The following SORCS1 variants were observed in gnomAD, a reference collection of about 807,000 sequenced individuals.
The protein encoded by SORCS1 is VPS10 domain-containing receptor SorCS1.
In SORCS1, 60 loss-of-function variants were observed where a neutral mutation model predicts 146.1. The observed-to-expected ratio is 0.41, with a 90% CI of 0.33 to 0.51. SORCS1 has a LOEUF of 0.51. SORCS1 is among the 20% of genes least tolerant of loss of function. SORCS1 has a pLI of 0.21. For synonymous variants in SORCS1, 637 were observed against 584.0 expected (o/e 1.09, Z -1.31); for missense variants, 1,352 against 1,487.6 (o/e 0.91, Z 1.50).
At chr10:106,680,450 C>T (rs754924995) in intron 10 of SORCS1, among the ~76,000 whole-genome samples, 20 of 152,120 alleles carry the variant, frequency 1.3e-4, no homozygotes, top group Non-Finnish European at 1.5e-4. Context: ...TATCCAAATA[C>T]CCGCCAGACA....
intron 1 of SORCS1, among the ~76,000 whole-genome samples, chr10:107,154,764 A>G (rs1254452672): frequency 6.6e-6 from 1 of 152,222 alleles, no homozygotes; most frequent in Non-Finnish European, 1.5e-5. Flanking sequence ...ATTAATATCA[A>G]TGAAACTGTA....
At chr10:107,024,792 T>C (rs2133892481) in intron 1 of SORCS1, among the ~76,000 whole-genome samples, 1 of 152,316 alleles carries the variant, frequency 6.6e-6, no homozygotes, top group East Asian at 1.9e-4. Flanking sequence ...TTGGTAATTT[T>C]TTCACAGAGT....
chr10:106,860,583 A>G (rs1949969677), intron 2 of SORCS1, among the ~76,000 whole-genome samples: 1 of 152,234 alleles, frequency 6.6e-6, no homozygotes, highest in African/African-American at 2.4e-5. Context: ...GAAGATGATC[A>G]GCTTGCCCAA....
chr10:107,095,266 C>G (rs1964467035), intron 1 of SORCS1, among the ~76,000 whole-genome samples: 1 of 152,150 alleles, frequency 6.6e-6, no homozygotes, highest in South Asian at 2.1e-4. Flanking sequence ...GACAAGGAAA[C>G]AGAAGGCAAT....
intron 1 of SORCS1, among the ~76,000 whole-genome samples, chr10:107,048,533 G>A (rs1201009690): frequency 6.6e-6 from 1 of 152,108 alleles, no homozygotes. Flanking sequence ...CTTTTCCAGG[G>A]ATGTGATATT....
At position 106,672,722 on chromosome 10, in the gene SORCS1, C is replaced by A. The variant is rs1422701025; in HGVS notation, c.2058+146G>T. 11 of 663,082 alleles carry A rather than the reference C, an allele frequency of 1.7e-5. No individual in the cohort carries two copies. In the East Asian group the frequency reaches 2.8e-4, roughly 17 times the overall value. The allele number at this position is 663,082 out of a possible 1,614,324, so 41.1% of individuals were successfully genotyped here. ...AAGCTATTAATGGTGAGTTTGTTCA[C>A]TGCTGTGGAACACAAATGTGTAAGA... On this transcript the variant is annotated intron_variant, in intron 15 of 25. Coordinates refer to ENST00000263054, the MANE Select transcript of SORCS1 (RefSeq NM_052918.5).
chr10:106,642,069 A>G (rs1459663506), intron 18 of SORCS1, among the ~76,000 whole-genome samples: 1 of 152,354 alleles, frequency 6.6e-6, no homozygotes, highest in East Asian at 1.9e-4. Context: ...TTGATTCCTC[A>G]GGTCTCTAAT....
rs576297205 is a variant in SORCS1 at position 107,134,357 on chromosome 10, G to A, written c.558+29612C>T. 1.1e-4 allele frequency among the ~76,000 whole-genome samples: 16 copies of A among 152,152 alleles called. No individual in the cohort carries two copies. The South Asian group carries it at 1.7e-3, about 16-fold the overall frequency. ...AATAATTTAAGATTTACATTCCATCGGCCAGGCGCGGTGGCTCAAGCCTGT... is the reference window on the plus strand; with the variant it reads ...AATAATTTAAGATTTACATTCCATCAGCCAGGCGCGGTGGCTCAAGCCTGT... On this transcript the variant is annotated intron_variant, in intron 1 of 25. Transcript: ENST00000263054.
chr10:106,857,499 T>G (rs1451083337), intron 2 of SORCS1, among the ~76,000 whole-genome samples: 2 of 152,196 alleles, frequency 1.3e-5, no homozygotes, highest in African/African-American at 2.4e-5. Context: ...TTTGTTTCTT[T>G]CTTAAAATCA....
At chr10:107,011,275 T>G (rs974585408) in intron 1 of SORCS1, among the ~76,000 whole-genome samples, 3 of 152,172 alleles carry the variant, frequency 2.0e-5, no homozygotes, top group African/African-American at 7.2e-5. Context: ...TCGTATTCCT[T>G]AAACCACTTT....
intron 1 of SORCS1, among the ~76,000 whole-genome samples, chr10:107,063,220 T>A (rs1023352066): frequency 1.3e-5 from 2 of 152,224 alleles, no homozygotes; most frequent in Admixed American, 6.5e-5. Context: ...AGGAGTTACT[T>A]CTGATTAGTG....
chr10:107,165,765 T>G (rs1422354632), upstream of SORCS1, among the ~76,000 whole-genome samples: 3 of 152,222 alleles, frequency 2.0e-5, no homozygotes, highest in African/African-American at 4.8e-5. The surrounding 1 kb of genome is among the most constrained non-coding windows in gnomAD (Gnocchi z 4.0). Flanking sequence ...TAATAGCAAG[T>G]CTGTGATGGT....
At chr10:106,911,098 T>G (rs542158994) in intron 2 of SORCS1, among the ~76,000 whole-genome samples, 1 of 152,332 alleles carries the variant, frequency 6.6e-6, no homozygotes, top group East Asian at 1.9e-4. Context: ...CACAGATCTC[T>G]TGTAAAGATC....
chr10:106,788,025 C>A (rs533431154), intron 3 of SORCS1, among the ~76,000 whole-genome samples: 1 of 152,212 alleles, frequency 6.6e-6, no homozygotes, highest in East Asian at 1.9e-4. Context: ...GGTGAACATA[C>A]ATTACATGTT....
chr10:106,641,584 T>A (rs1331788263), intron 18 of SORCS1, among the ~76,000 whole-genome samples: 1 of 152,182 alleles, frequency 6.6e-6, no homozygotes, highest in Non-Finnish European at 1.5e-5. Flanking sequence ...AAGAGTCTTT[T>A]AAGTTTCAGT....
intron 24 of SORCS1, among the ~76,000 whole-genome samples, chr10:106,594,198 C>A (rs1250136841): frequency 2.0e-5 from 3 of 152,204 alleles, no homozygotes; most frequent in Non-Finnish European, 4.4e-5. Flanking sequence ...TTGGTCCCAG[C>A]TCTAAACTAT....
At chr10:107,014,992 C>G (rs557144900) in intron 1 of SORCS1, among the ~76,000 whole-genome samples, 1 of 152,142 alleles carries the variant, frequency 6.6e-6, no homozygotes, top group African/African-American at 2.4e-5. Flanking sequence ...AATCAATATC[C>G]CATGCTTAGG....
At position 106,672,998 on chromosome 10, in the gene SORCS1, T is replaced by C. The variant is rs757016221; in HGVS notation, c.1941-13A>G. 6.2e-7 allele frequency: 1 copy of C among 1,603,174 alleles called. No individual in the cohort carries two copies. Among genetic ancestry groups the C allele is most frequent in the South Asian group, 1.1e-5 (1 of 90,530 alleles). ...GTGTCCAAACACTCTACAGAGTTCATGGTGATAAAAATAATTACAATGATA... is the reference window on the plus strand; with the variant it reads ...GTGTCCAAACACTCTACAGAGTTCACGGTGATAAAAATAATTACAATGATA... On this transcript the variant is annotated splice_polypyrimidine_tract_variant and intron_variant, in intron 14 of 25. Coordinates refer to ENST00000263054, the MANE Select transcript of SORCS1 (RefSeq NM_052918.5).
At chr10:106,620,244 G>A in intron 20 of SORCS1, 184 bp downstream of exon 20, 1 of 616,354 alleles carries the variant, frequency 1.6e-6, no homozygotes, top group Non-Finnish European at 2.5e-6. Context: ...AGGTGGAGAG[G>A]GGCCAGAGAG....
Sources: allele counts gnomAD v4.1 joint callset (sites outside exome capture counted in the v4.1 genomes callset), GRCh38; gene constraint gnomAD v4.1.1; non-coding constraint Gnocchi (gnomAD v3.1); transcripts MANE v1.5; gene names NCBI Gene and HGNC (gene_info 2026-07-23, HGNC 2026-07-21).